Variants in ATG9A observed in about 807,000 individuals in gnomAD.
The protein encoded by ATG9A is autophagy-related protein 9A.
In ATG9A, 21 loss-of-function variants were observed where a neutral mutation model predicts 87.1. The ratio of observed to expected loss-of-function variants is 0.24; its 90% confidence interval spans 0.17 to 0.35. The LOEUF is 0.35. Among genes scored for constraint, ATG9A ranks in the 10% least tolerant of loss-of-function variants. The probability of loss-of-function intolerance (pLI) is 1.00; values close to 1 mark genes in which losing one functional copy is unlikely to be tolerated. For synonymous variants in ATG9A, 422 were observed against 441.3 expected (o/e 0.96, Z 0.55); for missense variants, 836 against 1,107.3 (o/e 0.76, Z 3.48).
chr2:219,221,288 C>T lies in ATG9A; in HGVS notation c.2160G>A (p.Gln720=). 1 of 1,560,204 alleles carries T rather than the reference C, an allele frequency of 6.4e-7. No individual in the cohort carries two copies. The highest frequency in any genetic ancestry group is 8.7e-7 in the Non-Finnish European group (1 of 1,154,472). ...ALYMHQLHKQ[Q]AQAEPERHVW... is the part of the protein sequence containing the mutation. ...CATGCCGCTCAGGTTCAGCCTGGGC[C>T]TGCTGCTTGTGGAGCTGGAGAAATG... is the stretch of plus-strand genomic sequence containing the variant. Residue 720 remains glutamine (Q), a synonymous_variant, in exon 14 of 16, where the codon CAG becomes CAA. Transcript: ENST00000361242.
intron 2 of ATG9A, 105 bp downstream of exon 2, chr2:219,228,329 A>G (rs1021559757): frequency 2.7e-6 from 1 of 370,792 alleles, no homozygotes; most frequent in African/African-American, 2.1e-5. Context: ...TTTAACGGAC[A>G]GAAGAGTCCC....
Position 219,222,881 on chromosome 2 carries a change from C to T in ATG9A, c.1612G>A (p.Gly538Arg). The change falls in exon 11 of 16, where the codon GGG becomes AGG. Residue 538 changes from glycine (G) to arginine (R), a missense_variant. Physicochemically the swap from Gly to Arg is moderately radical, Grantham distance 125. Transcript: ENST00000361242. The surrounding 1 kb of genome is among the most constrained non-coding windows in gnomAD (Gnocchi z 4.3). ...QHGHPQWLSA[G>R]QTEASVYQQA... ...TGGTACACTGAGGCCTCTGTCTGCC[C>T]AGCAGATAGCCACTGCACAAGGAAG... 6.2e-7 allele frequency: 1 copy of T among 1,614,072 alleles called. No individual in the cohort carries two copies. The highest frequency in any genetic ancestry group is 1.1e-5 in the South Asian group (1 of 91,076).
chr2:219,222,882 A>G lies in ATG9A; in HGVS notation c.1611T>C (p.Ala537=). ...RQHGHPQWLS[A]GQTEASVYQQ... ...GGTACACTGAGGCCTCTGTCTGCCC[A>G]GCAGATAGCCACTGCACAAGGAAGA... The change falls in exon 11 of 16, where the codon GCT becomes GCC. Residue 537 remains alanine, a synonymous_variant. Transcript: ENST00000361242. The surrounding 1 kb of genome is among the most constrained non-coding windows in gnomAD (Gnocchi z 4.3). 1 of 1,614,028 alleles carries G rather than the reference A, an allele frequency of 6.2e-7. No homozygotes were observed. The highest frequency in any genetic ancestry group is 8.5e-7 in the Non-Finnish European group (1 of 1,180,016).
rs774670580 is a variant in ATG9A, at chr2:219,224,867, G to A, written c.517-13C>T. 6.0e-6 allele frequency: 9 copies of A among 1,507,124 alleles called. No individual in the cohort carries two copies. Among genetic ancestry groups the A allele is most frequent in the South Asian group, 1.1e-5 (1 of 87,496 alleles). The allele number at this position is 1,507,124 out of a possible 1,614,324, so 93.4% of individuals were successfully genotyped here. ...ACGGAAGGGCAGACTGCGGGGTGGG[G>A]TGGGGAAGAGACAAGGTACGGAAGG... On this transcript the variant is annotated splice_polypyrimidine_tract_variant and intron_variant, in intron 7 of 15. Transcript: ENST00000361242. This position sits in a 1 kb window ranked among gnomAD's most constrained non-coding sequence, Gnocchi z 7.7.
rs745593211 is a variant in ATG9A, at chr2:219,225,607, G to C, written c.213-35C>G. 1.6e-5 allele frequency: 25 copies of C among 1,605,148 alleles called. 1 individual carries two copies. In the East Asian group the frequency reaches 5.6e-4, roughly 36 times the overall value. On this transcript the variant is annotated intron_variant, in intron 5 of 15. Coordinates refer to ENST00000361242, the MANE Select transcript of ATG9A (RefSeq NM_001077198.3). ...TGGGAAGAAGGGGTGCAGTCTGAGAGCCAGAGAGGCTCCAGTGAAACCCAG... is the reference window on the plus strand; with the variant it reads ...TGGGAAGAAGGGGTGCAGTCTGAGACCCAGAGAGGCTCCAGTGAAACCCAG...
Position 219,224,640 on chromosome 2 carries a change from G to T in ATG9A, c.731C>A (p.Thr244Asn). ...CTCAAAGTTGTACTTGAGACCACGG[G>T]TGAAGAAGACAGCTTCCCCGAGGCC... Reference protein sequence around the residue: ...LPGLGEAVFFTRGLKYNFELI... With the variant: ...LPGLGEAVFFNRGLKYNFELI... Residue 244 changes from threonine to asparagine, a missense_variant, in exon 8 of 16, where the codon ACC (threonine) becomes AAC (asparagine). Coordinates refer to ENST00000361242, the MANE Select transcript of ATG9A (RefSeq NM_001077198.3). The surrounding 1 kb of genome is among the most constrained non-coding windows in gnomAD (Gnocchi z 7.7). 1 of 1,614,218 alleles carries T rather than the reference G, an allele frequency of 6.2e-7. No homozygotes were observed. The highest frequency in any genetic ancestry group is 2.2e-5 in the East Asian group (1 of 44,886).
Position 219,222,733 on chromosome 2 carries a change from T to A in ATG9A, c.1760A>T (p.Asp587Val). The A allele has an allele frequency of 3.1e-6, 5 of 1,614,192 alleles. No homozygotes were observed. Among genetic ancestry groups the A allele is most frequent in the Non-Finnish European group, 4.2e-6 (5 of 1,180,034 alleles). Residue 587 changes from aspartate to valine, a missense_variant, in exon 11 of 16, where the codon GAT (aspartate) becomes GTT (valine). By Grantham distance (152) the Asp-to-Val change is radical. Around this residue, in one of 2 missense-constraint regions of ATG9A, gnomAD observed 324 missense variants for 347.6 expected, o/e 0.93. Transcript: ENST00000361242. The surrounding 1 kb of genome is among the most constrained non-coding windows in gnomAD (Gnocchi z 4.3). Reference sequence around the variant, plus strand: ...TTGGGCGAGGCTAGCAGCTGCTCCATCCCGCTGAACCTGCTCCTTGAGGAA... The same window carrying A: ...TTGGGCGAGGCTAGCAGCTGCTCCAACCCGCTGAACCTGCTCCTTGAGGAA... ...LGFLKEQVQR[D>V]GAAASLAQGG...
rs922670669 is a variant in ATG9A at position 219,228,160 on chromosome 2, C to T, written c.-29-107G>A. ...AAGTACCCTTGGGCTTTGTCCACTA[C>T]CAGCCTCCTTGGCTCAGAGGCAGAG... On this transcript the variant is annotated intron_variant, in intron 2 of 15. Coordinates refer to ENST00000361242, the MANE Select transcript of ATG9A (RefSeq NM_001077198.3). 97 of 723,654 alleles carry T rather than the reference C, an allele frequency of 1.3e-4. 1 individual carries two copies. Among genetic ancestry groups the T allele is most frequent in the Admixed American group, 2.0e-4 (7 of 34,216 alleles). The allele number at this position is 723,654 out of a possible 1,614,324, so 44.8% of individuals were successfully genotyped here.
rs956611044 is a variant in ATG9A at position 219,220,462 on chromosome 2, G to A, written c.2515-10C>T. ...TCAGCCTTGTCTATACCTGTGGGGA[G>A]AAAGGGTTGGTAATGGAGATAGTCT... On this transcript the variant is annotated splice_polypyrimidine_tract_variant and intron_variant, in intron 15 of 15. Transcript: ENST00000361242. 6.2e-7 allele frequency: 1 copy of A among 1,613,800 alleles called. No individual in the cohort carries two copies. Among genetic ancestry groups the A allele is most frequent in the Admixed American group, 1.7e-5 (1 of 60,002 alleles).
At chr2:219,228,208 G>A (rs1950907848) in intron 2 of ATG9A, 155 bp from the exon 3 acceptor site, 1 of 588,172 alleles carries the variant, frequency 1.7e-6, no homozygotes, top group Non-Finnish European at 3.0e-6. Context: ...AAGAAAGGCA[G>A]TAAGCTCAGG....
Position 219,222,523 on chromosome 2 carries a change from C to G in ATG9A, c.1849-73G>C. The G allele has an allele frequency of 6.4e-7, 1 of 1,559,766 alleles. No homozygotes were observed. Among genetic ancestry groups the G allele is most frequent in the Non-Finnish European group, 8.7e-7 (1 of 1,151,358 alleles). ...TCTGGGGTCCCCTAGTATTCTGTATCTCAGGCCCCAGTGGCACATACTGAA... is the reference window on the plus strand; with the variant it reads ...TCTGGGGTCCCCTAGTATTCTGTATGTCAGGCCCCAGTGGCACATACTGAA... On this transcript the variant is annotated intron_variant, in intron 11 of 15. Coordinates refer to ENST00000361242, the MANE Select transcript of ATG9A (RefSeq NM_001077198.3). The surrounding 1 kb of genome is among the most constrained non-coding windows in gnomAD (Gnocchi z 4.3).
chr2:219,228,286 C>T, intron 2 of ATG9A, 148 bp downstream of exon 2: 1 of 453,590 alleles, frequency 2.2e-6, no homozygotes. Flanking sequence ...AAGCCAGAAT[C>T]TGTCCCTTTG....
chr2:219,227,909 T>C lies in ATG9A; in HGVS notation c.103+13A>G, dbSNP rs770024535. ...ATCAACTCTCCCTATGGCTGTCATA[T>C]CCAAGAACTCACACTTGCTCCCCTC... On this transcript the variant is annotated intron_variant, in intron 3 of 15. Transcript: ENST00000361242. 10 of 1,613,798 alleles carry C rather than the reference T, an allele frequency of 6.2e-6. No homozygotes were observed. The highest frequency in any genetic ancestry group is 8.5e-7 in the Non-Finnish European group (1 of 1,179,840).
At position 219,225,143 on chromosome 2, in the gene ATG9A, G is replaced by A. The variant is rs753336250; in HGVS notation, c.444C>T (p.Ile148=). The change falls in exon 7 of 16, where the codon ATC becomes ATT. Residue 148 remains isoleucine (I), a synonymous_variant. Transcript: ENST00000361242. ...IAGVFWIHRL[I]KFIYNICCYW... is the part of the protein sequence containing the mutation. ...AGCAGCAAATGTTATAGATGAACTT[G>A]ATAAGCCGGTGGATCCAGAAGACAC... 46 of 1,614,076 alleles carry A rather than the reference G, an allele frequency of 2.8e-5. No homozygotes were observed. In the South Asian group the frequency reaches 4.8e-4, roughly 17 times the overall value.
chr2:219,227,713 C>T (rs1950891438), intron 4 of ATG9A, 57 bp downstream of exon 4: 1 of 1,589,892 alleles, frequency 6.3e-7, no homozygotes, highest in Admixed American at 1.7e-5. Flanking sequence ...CACCAGAGCC[C>T]CGGCTTAGAG....
At position 219,222,933 on chromosome 2, in the gene ATG9A, C is replaced by T; in HGVS notation, c.1600-40G>A. The T allele has an allele frequency of 6.2e-7, 1 of 1,608,846 alleles. No individual in the cohort carries two copies. The highest frequency in any genetic ancestry group is 1.3e-5 in the African/African-American group (1 of 74,952). ...GCAGAGTAAGCAGGGCTGTTCTCTT[C>T]CAGGAGCCTTCCTGCACCTTTCCTG... is the stretch of plus-strand genomic sequence containing the variant. On this transcript the variant is annotated intron_variant, in intron 10 of 15. Transcript: ENST00000361242. The surrounding 1 kb of genome is among the most constrained non-coding windows in gnomAD (Gnocchi z 4.3).
At position 219,223,701 on chromosome 2, in the gene ATG9A, G is replaced by A. The variant is rs1353470433; in HGVS notation, c.1483C>T (p.Arg495Cys). ...TCTATAATCTCCAGGGCCCGTGGGC[G>A]CAGGCAGAAGATGAGGATGAGGGGT... ...VTPLILIFCL[R>C]PRALEIIDFF... The change falls in exon 10 of 16, where the codon CGC becomes TGC. Residue 495 changes from arginine to cysteine, a missense_variant. Physicochemically the swap from Arg to Cys is radical, Grantham distance 180. This residue lies in a region of ATG9A where 512 missense variants were observed against 759.6 expected (regional missense o/e 0.67). Coordinates refer to ENST00000361242, the MANE Select transcript of ATG9A (RefSeq NM_001077198.3). This position sits in a 1 kb window ranked among gnomAD's most constrained non-coding sequence, Gnocchi z 4.7. 3 of 1,613,702 alleles carry A rather than the reference G, an allele frequency of 1.9e-6. No individual in the cohort carries two copies. The highest frequency in any genetic ancestry group is 2.2e-5 in the East Asian group (1 of 44,824).
At position 219,223,282 on chromosome 2, in the gene ATG9A, G is replaced by C. The variant is rs1257281419; in HGVS notation, c.1599+303C>G. ...TTTTTGTATTTTTAGTAGAGAAGGG[G>C]TTTCACCGTGTTAGCCAGGATGGTC... is the stretch of plus-strand genomic sequence containing the variant. On this transcript the variant is annotated intron_variant, in intron 10 of 15. Transcript: ENST00000361242. The surrounding 1 kb of genome is among the most constrained non-coding windows in gnomAD (Gnocchi z 4.7). 6.6e-6 allele frequency among the ~76,000 whole-genome samples: 1 copy of C among 152,020 alleles called. No individual in the cohort carries two copies. The highest frequency in any genetic ancestry group is 1.5e-5 in the Non-Finnish European group (1 of 68,010).
rs1419470219 is a variant in ATG9A at position 219,222,450 on chromosome 2, G to A, written c.1849C>T (p.Pro617Ser). 2 of 1,556,920 alleles carry A rather than the reference G, an allele frequency of 1.3e-6. No homozygotes were observed. Among genetic ancestry groups the A allele is most frequent in the Non-Finnish European group, 1.7e-6 (2 of 1,153,014 alleles). The change falls in exon 12 of 16, where the codon CCC becomes TCC. Residue 617 changes from proline (P) to serine (S), a missense_variant and splice_region_variant. By Grantham distance (74) the Pro-to-Ser change is moderately conservative. This residue lies in a region of ATG9A where 324 missense variants were observed against 347.6 expected (regional missense o/e 0.93). Transcript: ENST00000361242. The surrounding 1 kb of genome is among the most constrained non-coding windows in gnomAD (Gnocchi z 4.3). ...ACCACATTTGCGATAAGGCTCAGGG[G>A]CTATGAACGAAACGGGTAGGTAGAA... Reference protein sequence around the residue: ...SIQSLQSESEPLSLIANVVAG... With the variant: ...SIQSLQSESESLSLIANVVAG...
Sources: allele counts gnomAD v4.1 joint callset (sites outside exome capture counted in the v4.1 genomes callset), GRCh38; gene constraint gnomAD v4.1.1; regional missense constraint gnomAD v4.1.1; non-coding constraint Gnocchi (gnomAD v3.1); transcripts MANE v1.5; gene names NCBI Gene and HGNC (gene_info 2026-07-23, HGNC 2026-07-21).